Variants in RGS17 observed in about 807,000 individuals in gnomAD.
RGS17 encodes regulator of G protein signaling 17, also known as regulator of G-protein signaling 17.
RGS17 carries 12 observed loss-of-function variants against 25.5 expected under a neutral mutation model. The observed-to-expected ratio is 0.47, with a 90% confidence interval of 0.30 to 0.76. The LOEUF (loss-of-function observed/expected upper bound fraction) is 0.76, where lower values mean the gene tolerates loss of function less well. Ranked by LOEUF, RGS17 falls within the 30% of genes least tolerant of loss-of-function variation. RGS17 has a pLI of 0.07. For synonymous variants in RGS17, 71 were observed against 76.9 expected (o/e 0.92, Z 0.40); for missense variants, 196 against 242.2 (o/e 0.81, Z 1.27).
intron 1 of RGS17, among the ~76,000 whole-genome samples, chr6:153,096,836 A>G (rs1349826495): frequency 6.6e-6 from 1 of 152,180 alleles, no homozygotes; most frequent in Non-Finnish European, 1.5e-5. Flanking sequence ...AGGTAAATTT[A>G]CTTTTTTTGA....
At chr6:153,127,790 A>C (rs1375415709) in intron 1 of RGS17, among the ~76,000 whole-genome samples, 1 of 152,214 alleles carries the variant, frequency 6.6e-6, no homozygotes, top group East Asian at 1.9e-4. Flanking sequence ...CATAAACACG[A>C]GTTTTAGGAG....
intron 1 of RGS17, among the ~76,000 whole-genome samples, chr6:153,074,033 A>G (rs1776843437): frequency 6.6e-6 from 1 of 152,176 alleles, no homozygotes; most frequent in Non-Finnish European, 1.5e-5. Context: ...ACTCAGATCT[A>G]CCTCAAGTTG....
Position 153,078,489 on chromosome 6 carries a change from T to A in RGS17, c.-25-34446A>T, listed in dbSNP as rs374495800. 3.2e-4 allele frequency among the ~76,000 whole-genome samples: 49 copies of A among 152,186 alleles called. 8 individuals are homozygous for A. Among genetic ancestry groups the A allele is most frequent in the Admixed American group, 2.1e-3 (32 of 15,288 alleles). On this transcript the variant is annotated intron_variant, in intron 1 of 4. Transcript: ENST00000206262. ...CAGAGTTTAGGTCTTGCACATTTTT[T>A]CCTTTTAAAAATATTTTATTACTTA...
chr6:153,041,930 GCT>G (rs1182789741), intron 2 of RGS17, among the ~76,000 whole-genome samples: 1 of 152,148 alleles, frequency 6.6e-6, no homozygotes, highest in Non-Finnish European at 1.5e-5. Flanking sequence ...GTCAGACACT[GCT>G]CTTGGCTTGT....
chr6:153,112,628 C>T (rs6557269), intron 1 of RGS17, among the ~76,000 whole-genome samples: 70,560 of 151,554 alleles, frequency 0.47, 17,005 homozygotes, highest in East Asian at 0.85. Context: ...TCGTCAGATT[C>T]ACCAAGGTTG....
At chr6:153,023,994 T>C (rs1202910608) in intron 4 of RGS17, among the ~76,000 whole-genome samples, 1 of 152,206 alleles carries the variant, frequency 6.6e-6, no homozygotes, top group Non-Finnish European at 1.5e-5. Flanking sequence ...TCACAGCAAA[T>C]TGTGTTTAAG....
chr6:153,072,567 T>C (rs1338330815), intron 1 of RGS17, among the ~76,000 whole-genome samples: 1 of 152,212 alleles, frequency 6.6e-6, no homozygotes, highest in Non-Finnish European at 1.5e-5. Context: ...AATTTAAGAC[T>C]GGTATCTCCA....
chr6:153,054,035 A>G (rs1300349219), intron 1 of RGS17, among the ~76,000 whole-genome samples: 4 of 61,876 alleles, frequency 6.5e-5, no homozygotes, highest in South Asian at 5.7e-4. Flanking sequence ...ATATATATAC[A>G]TATATATGTA....
chr6:153,053,028 G>C (rs1489238273), intron 1 of RGS17, among the ~76,000 whole-genome samples: 1 of 126,440 alleles, frequency 7.9e-6, no homozygotes, highest in Non-Finnish European at 1.6e-5. Context: ...CTTGATCTCA[G>C]ACTTCAACTT....
At chr6:153,043,067 A>G (rs1776342398) in intron 2 of RGS17, among the ~76,000 whole-genome samples, 1 of 152,214 alleles carries the variant, frequency 6.6e-6, no homozygotes. Context: ...TCTCATCTGC[A>G]TAAATGTTAG....
At chr6:153,047,308 T>C (rs976942848) in intron 1 of RGS17, among the ~76,000 whole-genome samples, 1 of 152,140 alleles carries the variant, frequency 6.6e-6, no homozygotes, top group Non-Finnish European at 1.5e-5. Context: ...AAAATAAAAG[T>C]CTATGTTTCT....
intron 1 of RGS17, among the ~76,000 whole-genome samples, chr6:153,054,017 T>C (rs1776509030): frequency 5.5e-5 from 2 of 36,052 alleles, no homozygotes; most frequent in Non-Finnish European, 5.6e-5. Flanking sequence ...TACGTATATA[T>C]GTATATAATA....
chr6:153,011,612 A>G lies in RGS17; in HGVS notation c.595T>C (p.Phe199Leu). ...RFLNSQIYKS[F>L]VESTAGSSSE... The stretch of plus-strand genomic sequence containing the variant: ...GAAGAGCCAGCAGTACTTTCAACAA[A>G]TGACTTATAAATTTGAGAGTTCAAA... The change falls in exon 5 of 5, where the codon TTT becomes CTT. Residue 199 changes from phenylalanine to leucine, a missense_variant. This residue lies in a region of RGS17 where 179 missense variants were observed against 197.6 expected (regional missense o/e 0.91). Coordinates refer to ENST00000206262, the MANE Select transcript of RGS17 (RefSeq NM_012419.5). 3 of 1,611,232 alleles carry G rather than the reference A, an allele frequency of 1.9e-6. No individual in the cohort carries two copies. The highest frequency in any genetic ancestry group is 2.5e-6 in the Non-Finnish European group (3 of 1,178,486).
intron 1 of RGS17, among the ~76,000 whole-genome samples, chr6:153,086,892 T>C (rs1777060230): frequency 6.6e-6 from 1 of 152,184 alleles, no homozygotes; most frequent in African/African-American, 2.4e-5. Context: ...GGTAGTATAA[T>C]TTACACTTTT....
At chr6:153,067,616 C>T (rs1269085162) in intron 1 of RGS17, among the ~76,000 whole-genome samples, 1 of 152,070 alleles carries the variant, frequency 6.6e-6, no homozygotes, top group Admixed American at 6.5e-5. Flanking sequence ...AGTGAAAGAT[C>T]TTTATAAGGA....
At chr6:153,020,209 A>G (rs1289354401) in intron 4 of RGS17, among the ~76,000 whole-genome samples, 2 of 122,466 alleles carry the variant, frequency 1.6e-5, no homozygotes, top group East Asian at 5.4e-4. Context: ...GCTGGAGTGC[A>G]GTGGCACGAT....
At chr6:153,050,946 T>C (rs1004283617) in intron 1 of RGS17, among the ~76,000 whole-genome samples, 1 of 152,144 alleles carries the variant, frequency 6.6e-6, no homozygotes, top group Non-Finnish European at 1.5e-5. Flanking sequence ...CCTTCATGAA[T>C]GGGATTAGTG....
chr6:153,020,091 C>A (rs1779224024), intron 4 of RGS17, among the ~76,000 whole-genome samples: 1 of 74,924 alleles, frequency 1.3e-5, no homozygotes, highest in Non-Finnish European at 2.2e-5. Flanking sequence ...CTCCTAATTG[C>A]AAATATCTTA....
At chr6:153,043,308 A>C (rs993390067) in intron 2 of RGS17, among the ~76,000 whole-genome samples, 1 of 152,146 alleles carries the variant, frequency 6.6e-6, no homozygotes, top group Non-Finnish European at 1.5e-5. Context: ...TTTTCAATGA[A>C]CTGAGTTGGA....
Sources: gnomAD v4.1 joint callset for allele counts (sites outside exome capture counted in the v4.1 genomes callset) on GRCh38, gnomAD v4.1.1 for gene constraint, gnomAD v4.1.1 regional missense constraint, MANE v1.5 for transcripts, NCBI Gene and HGNC (gene_info 2026-07-23, HGNC 2026-07-21) for gene names.